The following SMARCA2 variants were observed in gnomAD, a reference collection of about 807,000 sequenced individuals.
The protein encoded by SMARCA2 is SWI/SNF-related matrix-associated actin-dependent regulator of chromatin subfamily A member 2.
Under a neutral mutation model 199.8 loss-of-function variants are expected in SMARCA2, and 61 were observed. The observed-to-expected ratio is 0.31, with a 90% CI of 0.25 to 0.38. The LOEUF (loss-of-function observed/expected upper bound fraction) is 0.38, where lower values mean the gene tolerates loss of function less well. Among genes scored for constraint, SMARCA2 ranks in the 10% least tolerant of loss-of-function variants. SMARCA2 has a pLI of 1.00. For synonymous variants in SMARCA2, 935 were observed against 732.0 expected, an observed-to-expected ratio of 1.28 and a Z score of -4.48; for missense variants, 1,344 against 2,012.2, an observed-to-expected ratio of 0.67 and a Z score of 6.35.
At chr9:2,153,251 G>C (rs1264334995) in intron 27 of SMARCA2, among the ~76,000 whole-genome samples, 2 of 152,144 alleles carry the variant, frequency 1.3e-5, no homozygotes, top group Non-Finnish European at 2.9e-5. Flanking sequence ...AAGTGCCCTC[G>C]ATAGGCCAGA....
At chr9:2,137,968 A>G (rs889634903) in intron 27 of SMARCA2, among the ~76,000 whole-genome samples, 3 of 152,320 alleles carry the variant, frequency 2.0e-5, no homozygotes, top group African/African-American at 4.8e-5. Flanking sequence ...AAATAATTCT[A>G]AAGGCACACA....
chr9:2,122,999 A>G (rs1350819651), intron 26 of SMARCA2, among the ~76,000 whole-genome samples: 1 of 152,196 alleles, frequency 6.6e-6, no homozygotes, highest in Non-Finnish European at 1.5e-5. Context: ...AAAGGAATCC[A>G]TTTCACTTAC....
At position 2,039,674 on chromosome 9, in the gene SMARCA2, T is replaced by C; in HGVS notation, c.564T>C (p.Ala188=). The C allele has an allele frequency of 1.2e-6, 2 of 1,614,156 alleles. No individual in the cohort carries two copies. Among genetic ancestry groups the C allele is most frequent in the Non-Finnish European group, 8.5e-7 (1 of 1,180,034 alleles). The change falls in exon 4 of 34, where the codon GCT becomes GCC. Residue 188 remains alanine, a synonymous_variant. Coordinates refer to ENST00000349721, the MANE Select transcript of SMARCA2 (RefSeq NM_003070.5). This position sits in a 1 kb window ranked among gnomAD's most constrained non-coding sequence, Gnocchi z 4.8. ...QLHQLRAQIL[A]YKMLARGQPL... ...ATCAGCTTCGAGCTCAGATTTTAGC[T>C]TATAAAATGCTGGCCCGAGGCCAGC... is the stretch of plus-strand genomic sequence containing the variant.
At position 2,086,815 on chromosome 9, in the gene SMARCA2, C is replaced by T. The variant is rs1316748358; in HGVS notation, c.2527-14C>T. Reference sequence around the variant, plus strand: ...CTTGCTTACTACACGTCCGTCCTTCCTCTTGTGTTATAGATTCGGTGGAAA... The same window carrying T: ...CTTGCTTACTACACGTCCGTCCTTCTTCTTGTGTTATAGATTCGGTGGAAA... On this transcript the variant is annotated splice_polypyrimidine_tract_variant and intron_variant, in intron 17 of 33. Transcript: ENST00000349721. The surrounding 1 kb of genome is among the most constrained non-coding windows in gnomAD (Gnocchi z 4.3). 18 of 1,613,930 alleles carry T rather than the reference C, an allele frequency of 1.1e-5. No homozygotes were observed. Among genetic ancestry groups the T allele is most frequent in the Non-Finnish European group, 1.5e-5 (18 of 1,179,916 alleles).
intron 17 of SMARCA2, among the ~76,000 whole-genome samples, chr9:2,084,630 A>T (rs184247714): frequency 3.3e-5 from 5 of 152,222 alleles, no homozygotes; most frequent in Admixed American, 3.3e-4. Context: ...GATGAGCCAG[A>T]CACCTCTCCA....
intron 26 of SMARCA2, among the ~76,000 whole-genome samples, chr9:2,122,327 T>A (rs563569390): frequency 1.4e-4 from 10 of 71,246 alleles, no homozygotes; most frequent in South Asian, 7.4e-4. Context: ...ATTAACAAAA[T>A]TTTTTTTTTT....
intron 28 of SMARCA2, among the ~76,000 whole-genome samples, chr9:2,167,938 A>C (rs1826017478): frequency 1.3e-5 from 2 of 152,090 alleles, no homozygotes; most frequent in South Asian, 4.1e-4. Context: ...TATGAGCCCC[A>C]TTATCTGAGG....
At chr9:2,167,704 C>G (rs558964120) in intron 28 of SMARCA2, among the ~76,000 whole-genome samples, 1 of 152,198 alleles carries the variant, frequency 6.6e-6, no homozygotes, top group Non-Finnish European at 1.5e-5. Context: ...CTCAGCTTGT[C>G]CTGAATTTTT....
chr9:2,058,229 G>T, intron 7 of SMARCA2, 62 bp from the exon 8 acceptor site: 1 of 1,428,632 alleles, frequency 7.0e-7, no homozygotes, highest in Non-Finnish European at 9.8e-7. Flanking sequence ...AACACTGATA[G>T]CTCAGAGGAC....
At chr9:2,030,576 C>T (rs1255244083) in intron 2 of SMARCA2, among the ~76,000 whole-genome samples, 1 of 149,514 alleles carries the variant, frequency 6.7e-6, no homozygotes, top group Non-Finnish European at 1.5e-5. Flanking sequence ...TCAGGCCCTC[C>T]ATGGATTTTG....
intron 27 of SMARCA2, chr9:2,159,463 T>A (rs573265134): frequency 3.8e-5 from 8 of 211,670 alleles, no homozygotes; most frequent in Non-Finnish European, 7.6e-5. Context: ...TTTTAAAAAA[T>A]AAGGTACAAA....
rs930685639 is a variant in SMARCA2 at position 2,169,756 on chromosome 9, C to G, written c.4200-663C>G. Among the ~76,000 whole-genome samples, 27 of 152,192 alleles carry G rather than the reference C, an allele frequency of 1.8e-4. No individual in the cohort carries two copies. Among genetic ancestry groups the G allele is most frequent in the African/African-American group, 6.5e-4 (27 of 41,452 alleles). ...TGCCACCACAAAAAGGGACACCAAC[C>G]TAGCAGTTTCAAAAATCCTCAACTG... On this transcript the variant is annotated intron_variant, in intron 28 of 33. Transcript: ENST00000349721. This position sits in a 1 kb window ranked among gnomAD's most constrained non-coding sequence, Gnocchi z 6.5.
At chr9:2,177,259 G>A (rs911718207) in intron 29 of SMARCA2, among the ~76,000 whole-genome samples, 4 of 152,172 alleles carry the variant, frequency 2.6e-5, no homozygotes, top group African/African-American at 7.2e-5. Flanking sequence ...GATTCCTTTA[G>A]GATTGTGATA....
At chr9:2,096,321 T>A (rs549080963) in intron 19 of SMARCA2, among the ~76,000 whole-genome samples, 2 of 152,334 alleles carry the variant, frequency 1.3e-5, no homozygotes, top group East Asian at 3.9e-4. Context: ...GTGAAGGAAA[T>A]GCTAAAAATA....
intron 29 of SMARCA2, among the ~76,000 whole-genome samples, chr9:2,179,640 C>G (rs776562134): frequency 3.3e-5 from 5 of 152,066 alleles, no homozygotes; most frequent in African/African-American, 7.3e-5. Flanking sequence ...CTATCGGTCA[C>G]AAACTGCTTA....
At chr9:2,100,128 G>A (rs1424808317) in intron 21 of SMARCA2, among the ~76,000 whole-genome samples, 1 of 152,232 alleles carries the variant, frequency 6.6e-6, no homozygotes, top group Admixed American at 6.5e-5. Flanking sequence ...AAGGGAGACA[G>A]CCGGTGGCTG....
intron 29 of SMARCA2, among the ~76,000 whole-genome samples, chr9:2,171,509 T>C (rs1357936323): frequency 6.6e-6 from 1 of 152,222 alleles, no homozygotes; most frequent in Non-Finnish European, 1.5e-5. Flanking sequence ...TCGGGCAAGA[T>C]TGTCAATTTT....
At position 2,176,182 on chromosome 9, in the gene SMARCA2, G is replaced by GTTTTTTTTT. The variant is rs56186732; in HGVS notation, c.4254-5376_4254-5368dup. Among the ~76,000 whole-genome samples the GTTTTTTTTT allele has an allele frequency of 5.3e-3, 552 of 104,044 alleles. 15 individuals are homozygous for GTTTTTTTTT. The highest frequency in any genetic ancestry group is 0.017 in the African/African-American group (447 of 26,790). 68.3% of individuals were successfully genotyped at this position (104,044 alleles called of 152,430 possible). A position where few individuals can be genotyped will look rare whatever the true frequency, so the allele number is the denominator to read the frequency against. ...AGGCATGAGCCACCGCGCCCGGCCT[G>GTTTTTTTTT]TTTTTTTTTTTTTTTTTTTTTATAA... On this transcript the variant is annotated intron_variant, in intron 29 of 33. Transcript: ENST00000349721.
intron 5 of SMARCA2, among the ~76,000 whole-genome samples, chr9:2,050,184 T>C (rs1820052848): frequency 1.3e-5 from 2 of 152,208 alleles, no homozygotes; most frequent in African/African-American, 2.4e-5. Flanking sequence ...ATGAGCACTT[T>C]GCTGCAGCTC....
Sources: gnomAD v4.1 joint callset for allele counts (sites outside exome capture counted in the v4.1 genomes callset) on GRCh38, gnomAD v4.1.1 for gene constraint, Gnocchi (gnomAD v3.1) non-coding constraint, MANE v1.5 for transcripts, NCBI Gene and HGNC (gene_info 2026-07-23, HGNC 2026-07-21) for gene names.